Variants in ABCC5 observed in about 807,000 individuals in gnomAD.
ABCC5 encodes the protein ATP-binding cassette sub-family C member 5.
ABCC5 carries 61 observed loss-of-function variants against 160.9 expected under a neutral mutation model. The observed-to-expected ratio is 0.38, with a 90% CI of 0.31 to 0.47. ABCC5 has a LOEUF of 0.47. Ranked by LOEUF, ABCC5 falls within the 20% of genes least tolerant of loss-of-function variation. The probability of loss-of-function intolerance (pLI) is 0.99; values close to 1 mark genes in which losing one functional copy is unlikely to be tolerated. For synonymous variants in ABCC5, 666 were observed against 700.6 expected (o/e 0.95, Z 0.78); for missense variants, 1,308 against 1,813.3 (o/e 0.72, Z 5.06).
intron 2 of ABCC5, among the ~76,000 whole-genome samples, chr3:184,013,724 T>C (rs1164817202): frequency 1.3e-5 from 2 of 152,034 alleles, no homozygotes; most frequent in South Asian, 2.1e-4. Context: ...GGCACCAACA[T>C]AGAATAAAAG....
chr3:183,951,968 C>A lies in ABCC5; in HGVS notation c.2703G>T (p.Val901=). The change falls in exon 19 of 30, where the codon GTG becomes GTT. Residue 901 remains valine, a synonymous_variant. Coordinates refer to ENST00000334444, the MANE Select transcript of ABCC5 (RefSeq NM_005688.4). This position sits in a 1 kb window ranked among gnomAD's most constrained non-coding sequence, Gnocchi z 4.7. ...GAGGATTGTCCTTCATGCTGTCACT[C>A]ACCGAGGTCTCGTTCCCTCGAGTCA... ...TTVTRGNETS[V]SDSMKDNPHM... The A allele has an allele frequency of 6.2e-7, 1 of 1,612,702 alleles. No individual in the cohort carries two copies. The highest frequency in any genetic ancestry group is 8.5e-7 in the Non-Finnish European group (1 of 1,178,888).
At chr3:183,983,105 C>T in intron 5 of ABCC5, 98 bp from the exon 6 acceptor site, 1 of 1,171,878 alleles carries the variant, frequency 8.5e-7, no homozygotes, top group Non-Finnish European at 1.2e-6. Context: ...CAGCTCCACT[C>T]AGGGACCAGT....
Position 183,963,618 on chromosome 3 carries a change from T to G in ABCC5, c.2032-30A>C. On this transcript the variant is annotated intron_variant, in intron 14 of 29. Transcript: ENST00000334444. The surrounding 1 kb of genome is among the most constrained non-coding windows in gnomAD (Gnocchi z 4.6). ...AAGAGCCCAGAAGTGTGGTGAAGCC[T>G]CCAGCGCAAGTCCAGAACAGCGTGG... 6.2e-7 allele frequency: 1 copy of G among 1,610,938 alleles called. No individual in the cohort carries two copies. Among genetic ancestry groups the G allele is most frequent in the Non-Finnish European group, 8.5e-7 (1 of 1,178,952 alleles).
At position 183,942,764 on chromosome 3, in the gene ABCC5, A is replaced by C; in HGVS notation, c.3657T>G (p.Pro1219=). The change falls in exon 25 of 30, where the codon CCT becomes CCG. Residue 1219 remains proline, a synonymous_variant. Coordinates refer to ENST00000334444, the MANE Select transcript of ABCC5 (RefSeq NM_005688.4). ...GCCCCACAATGCCAATCTTCTCTTT[A>C]GGTTTGATCGTGAAGGATACTTTCT... ...VLKKVSFTIK[P]KEKIGIVGRT... 1 of 1,614,158 alleles carries C rather than the reference A, an allele frequency of 6.2e-7. No individual in the cohort carries two copies. Among genetic ancestry groups the C allele is most frequent in the Non-Finnish European group, 8.5e-7 (1 of 1,180,012 alleles).
intron 26 of ABCC5, among the ~76,000 whole-genome samples, chr3:183,934,290 C>T (rs1483593892): frequency 6.6e-6 from 1 of 152,198 alleles, no homozygotes; most frequent in Non-Finnish European, 1.5e-5. Context: ...GAGACTCTGT[C>T]TCAAAAACAA....
In ABCC5 at chr3:183,981,832, C is replaced by T. The variant is rs761217800; in HGVS notation, c.1042G>A (p.Val348Met). The T allele has an allele frequency of 3.1e-6, 5 of 1,610,642 alleles. No individual in the cohort carries two copies. The highest frequency in any genetic ancestry group is 1.1e-5 in the South Asian group (1 of 90,032). Residue 348 changes from valine (V) to methionine (M), a missense_variant, in exon 8 of 30, where the codon GTG becomes ATG. Val to Met is a conservative substitution (Grantham distance 21). Around this residue, in one of 3 missense-constraint regions of ABCC5, gnomAD observed 1,142 missense variants for 1,527.1 expected, o/e 0.75. Transcript: ENST00000334444. ...TGGACACGTTCATCCGTGGCGGCCA[C>T]GCATTTTCTCCTGAAATATGCTGTG... ...RLTAYFRRKC[V>M]AATDERVQKM...
rs537886835 is a variant in ABCC5 at position 183,949,702 on chromosome 3, C to T, written c.3227+51G>A. ...AAGAGCCTCCCGGACAAGTATCAAA[C>T]GCTGGGATGCTGACTCCCCTTTGAG... On this transcript the variant is annotated intron_variant, in intron 22 of 29. Transcript: ENST00000334444. The surrounding 1 kb of genome is among the most constrained non-coding windows in gnomAD (Gnocchi z 4.2). 6.4e-5 allele frequency: 103 copies of T among 1,600,496 alleles called. No homozygotes were observed. The East Asian group carries it at 7.8e-4, about 12-fold the overall frequency.
rs943491367 is a variant in ABCC5 at position 183,921,525 on chromosome 3, C to T, written c.4213-124G>A. 6 of 650,440 alleles carry T rather than the reference C, an allele frequency of 9.2e-6. No individual in the cohort carries two copies. The highest frequency in any genetic ancestry group is 1.5e-5 in the Non-Finnish European group (6 of 413,372). The allele number at this position is 650,440 out of a possible 1,614,324, so 40.3% of individuals were successfully genotyped here. On this transcript the variant is annotated intron_variant, in intron 29 of 29. Transcript: ENST00000334444. This position sits in a 1 kb window ranked among gnomAD's most constrained non-coding sequence, Gnocchi z 4.1. ...GAATCTGGGGACAATTCAACTAGCC[C>T]TGCGTGCACCTCCCCCCTTATTTTT...
At chr3:183,976,527 T>C (rs947528022) in intron 10 of ABCC5, among the ~76,000 whole-genome samples, 1 of 152,108 alleles carries the variant, frequency 6.6e-6, no homozygotes, top group Non-Finnish European at 1.5e-5. Context: ...AGAGCTGGGA[T>C]TACAGGTGTG....
rs1021337754 is a variant in ABCC5, at chr3:183,920,456, G to C, written c.*844C>G. 6.6e-6 allele frequency: 1 copy of C among 152,578 alleles called. No individual in the cohort carries two copies. The highest frequency in any genetic ancestry group is 2.4e-5 in the African/African-American group (1 of 41,428). The allele number at this position is 152,578 out of a possible 1,614,324, so 9.5% of individuals were successfully genotyped here. A position where few individuals can be genotyped will look rare whatever the true frequency, so the allele number is the denominator to read the frequency against. The stretch of plus-strand genomic sequence containing the variant: ...CCAGCCATAGGAACCTGAGGCAGTG[G>C]GACTCTCTGTGGATAGACTGATTCT... On this transcript the variant is annotated 3_prime_UTR_variant, in exon 30 of 30. Coordinates refer to ENST00000334444, the MANE Select transcript of ABCC5 (RefSeq NM_005688.4). The surrounding 1 kb of genome is among the most constrained non-coding windows in gnomAD (Gnocchi z 4.1).
At position 183,988,050 on chromosome 3, in the gene ABCC5, T is replaced by A; in HGVS notation, c.444-133A>T. ...AGTCTCTCCTTTAAAATTATGTACA[T>A]AGTCTTCACCTTCTGGGAAAAAATA... On this transcript the variant is annotated intron_variant, in intron 4 of 29. Coordinates refer to ENST00000334444, the MANE Select transcript of ABCC5 (RefSeq NM_005688.4). The surrounding 1 kb of genome is among the most constrained non-coding windows in gnomAD (Gnocchi z 4.4). The A allele has an allele frequency of 1.1e-6, 1 of 887,542 alleles. No individual in the cohort carries two copies. The highest frequency in any genetic ancestry group is 3.5e-4 in the Middle Eastern group (1 of 2,870). 55.0% of individuals were successfully genotyped at this position (887,542 alleles called of 1,614,324 possible).
intron 29 of ABCC5, among the ~76,000 whole-genome samples, chr3:183,924,429 G>T (rs373379424): frequency 6.6e-6 from 1 of 152,140 alleles, no homozygotes; most frequent in Non-Finnish European, 1.5e-5. Context: ...TATGTTGAGA[G>T]ATTATATGTA....
intron 24 of ABCC5, among the ~76,000 whole-genome samples, chr3:183,943,529 A>G (rs1714558751): frequency 6.6e-6 from 1 of 152,168 alleles, no homozygotes; most frequent in South Asian, 2.1e-4. Flanking sequence ...CCAGCTCAAA[A>G]TGCTGTGATA....
At chr3:183,973,189 G>A (rs542879492) in intron 10 of ABCC5, among the ~76,000 whole-genome samples, 19 of 151,314 alleles carry the variant, frequency 1.3e-4, no homozygotes, top group Middle Eastern at 3.4e-3. Context: ...CGAGTAGCTG[G>A]GACTACAGGT....
intron 16 of ABCC5, among the ~76,000 whole-genome samples, chr3:183,960,190 C>T (rs1437280368): frequency 6.6e-6 from 1 of 152,088 alleles, no homozygotes; most frequent in Non-Finnish European, 1.5e-5. Flanking sequence ...TGATCATTTC[C>T]CACTGCTACC....
intron 2 of ABCC5, among the ~76,000 whole-genome samples, chr3:184,004,993 C>T (rs1193438119): frequency 2.0e-5 from 3 of 152,190 alleles, no homozygotes; most frequent in African/African-American, 7.2e-5. Flanking sequence ...GTACAGCTGT[C>T]AGTGTCGTGG....
At chr3:183,926,007 T>A (rs974160231) in intron 28 of ABCC5, among the ~76,000 whole-genome samples, 4 of 150,794 alleles carry the variant, frequency 2.7e-5, no homozygotes, top group African/African-American at 9.7e-5. Context: ...CCCAGCTAAT[T>A]TTTTGTATTT....
intron 17 of ABCC5, among the ~76,000 whole-genome samples, chr3:183,956,894 A>G (rs565792132): frequency 1.8e-5 from 2 of 109,072 alleles, no homozygotes; most frequent in Non-Finnish European, 3.7e-5. Context: ...ATCCGTGTGT[A>G]TATCATATAG....
At chr3:183,965,535 A>G (rs1717139355) in intron 12 of ABCC5, 34 bp from the exon 13 acceptor site, 2 of 1,612,116 alleles carry the variant, frequency 1.2e-6, no homozygotes, top group Non-Finnish European at 1.7e-6. Flanking sequence ...TGGCATCATA[A>G]CTCAAAACCA....
Sources: allele counts gnomAD v4.1 joint callset (sites outside exome capture counted in the v4.1 genomes callset), GRCh38; gene constraint gnomAD v4.1.1; regional missense constraint gnomAD v4.1.1; non-coding constraint Gnocchi (gnomAD v3.1); transcripts MANE v1.5; gene names NCBI Gene and HGNC (gene_info 2026-07-23, HGNC 2026-07-21).